Variants in PSMG2 observed in about 807,000 individuals in gnomAD.
The protein encoded by PSMG2 is proteasome assembly chaperone 2.
PSMG2 carries 21 observed loss-of-function variants against 31.5 expected under a neutral mutation model. That is an observed-to-expected ratio of 0.67 (90% CI 0.47 to 0.96). The LOEUF (loss-of-function observed/expected upper bound fraction) is 0.96. PSMG2 is among the 40% of genes least tolerant of loss of function. PSMG2 has a pLI of 0.00. For synonymous variants in PSMG2, 120 were observed against 110.4 expected (o/e 1.09, Z -0.54); for missense variants, 318 against 321.2 (o/e 0.99, Z 0.08).
chr18:12,679,303 G>T (rs1327128683), intron 1 of PSMG2: 1 of 150,768 alleles, frequency 6.6e-6, no homozygotes, highest in Non-Finnish European at 1.5e-5. Context: ...GCACACTGGG[G>T]AGAAGCCACA....
At chr18:12,703,246 G>C (rs2040218044) in intron 1 of PSMG2, 82 bp downstream of exon 1, 1 of 1,431,684 alleles carries the variant, frequency 7.0e-7, no homozygotes. Context: ...GTTTGGCGGT[G>C]CCTTGGGAGA....
chr18:12,703,209 T>A, intron 1 of PSMG2, 45 bp downstream of exon 1: 1 of 1,564,004 alleles, frequency 6.4e-7, no homozygotes, highest in Non-Finnish European at 8.7e-7. Flanking sequence ...CCGAGGCCCC[T>A]GCGGTGTCGC....
intron 1 of PSMG2, 140 bp from the exon 2 acceptor site, chr18:12,706,410 C>A (rs749695695): frequency 1.0e-5 from 8 of 791,190 alleles, no homozygotes; most frequent in Non-Finnish European, 1.6e-5. Context: ...TTGCTTCAAG[C>A]CAGGAGGCAG....
At chr18:12,708,269 C>T (rs1049745180) in intron 2 of PSMG2, among the ~76,000 whole-genome samples, 8 of 152,208 alleles carry the variant, frequency 5.3e-5, no homozygotes, top group South Asian at 2.1e-4. Flanking sequence ...AAGTGAGACC[C>T]TGTCTTAAAA....
intron 1 of PSMG2, among the ~76,000 whole-genome samples, chr18:12,688,303 A>G (rs1229594873): frequency 6.6e-6 from 1 of 151,896 alleles, no homozygotes; most frequent in African/African-American, 2.4e-5. Flanking sequence ...AGTTTCTTGC[A>G]CTAAAAAGTT....
At chr18:12,678,385 T>C (rs2039220747) in intron 1 of PSMG2, 2 of 1,614,036 alleles carry the variant, frequency 1.2e-6, no homozygotes, top group South Asian at 1.1e-5. Flanking sequence ...ATGGGTACAG[T>C]GGTTTGGGCT....
rs201579739 is a variant in PSMG2, at chr18:12,724,453, T to C, written c.582-46T>C. On this transcript the variant is annotated intron_variant, in intron 5 of 6. Transcript: ENST00000317615. Reference sequence around the variant, plus strand: ...AAAACAGACACACTAGAGTCAGCTCTTGTACCCTATGAAAGAATACTGATT... The same window carrying C: ...AAAACAGACACACTAGAGTCAGCTCCTGTACCCTATGAAAGAATACTGATT... The C allele has an allele frequency of 1.7e-4, 255 of 1,544,082 alleles. 2 individuals carry two copies. In the African/African-American group the frequency reaches 3.0e-3, roughly 18 times the overall value.
At chr18:12,703,425 G>C (rs566448339) in intron 1 of PSMG2, among the ~76,000 whole-genome samples, 9 of 152,206 alleles carry the variant, frequency 5.9e-5, no homozygotes, top group Non-Finnish European at 8.8e-5. Context: ...GTACGTTCTA[G>C]ATACACTGTA....
rs1184203847 is a variant in PSMG2 at position 12,680,567 on chromosome 18, A to G, written c.-37+21794A>G. ...AGCTGAGATTGTGCCAGTGCACTCC[A>G]GCCTGGGCGACAGAGCGAGACTCCA... is the stretch of plus-strand genomic sequence containing the variant. On this transcript the variant is annotated intron_variant, in intron 1 of 6. Transcript: ENST00000585331. 5.4e-6 allele frequency: 5 copies of G among 932,974 alleles called. No individual in the cohort carries two copies. The African/African-American group carries it at 8.9e-5, about 17-fold the overall frequency. 57.8% of individuals were successfully genotyped at this position (932,974 alleles called of 1,614,324 possible). A position where few individuals can be genotyped will look rare whatever the true frequency, so the allele number is the denominator to read the frequency against.
In PSMG2 at chr18:12,703,061, T is replaced by G. The variant is rs2040211915; in HGVS notation, c.-47T>G. On this transcript the variant is annotated 5_prime_UTR_variant, in exon 1 of 7. Transcript: ENST00000317615. ...GCTTCCGCCTTCTTGCTGCCCTCGT[T>G]CTTGCCAGGGCCGCGGTTAGTCCCT... is the stretch of plus-strand genomic sequence containing the variant. 6.3e-7 allele frequency: 1 copy of G among 1,595,838 alleles called. No homozygotes were observed. Among genetic ancestry groups the G allele is most frequent in the Non-Finnish European group, 8.5e-7 (1 of 1,170,806 alleles).
intron 1 of PSMG2, among the ~76,000 whole-genome samples, chr18:12,687,570 G>A (rs186482099): frequency 4.0e-5 from 6 of 150,676 alleles, no homozygotes; most frequent in South Asian, 2.1e-4. Flanking sequence ...CTTGTGCCTC[G>A]GCCTCCTGAG....
intron 3 of PSMG2, 98 bp from the exon 4 acceptor site, chr18:12,718,412 TATATATC>T (rs2040398428): frequency 3.7e-6 from 2 of 546,604 alleles, no homozygotes; most frequent in African/African-American, 3.8e-5. Flanking sequence ...ATATATAAAT[TATATATC>T]ATTATCACAT....
At chr18:12,688,679 C>T (rs941789859) in intron 1 of PSMG2, among the ~76,000 whole-genome samples, 3 of 152,190 alleles carry the variant, frequency 2.0e-5, no homozygotes, top group Non-Finnish European at 2.9e-5. Context: ...GAGAAAATCA[C>T]TAACCATTAT....
upstream of PSMG2, chr18:12,698,947 C>A: frequency 7.1e-7 from 1 of 1,404,132 alleles, no homozygotes; most frequent in South Asian, 1.2e-5. Flanking sequence ...AAGATTTACT[C>A]AATTAAATGA....
rs567147584 is a variant in PSMG2 at position 12,721,487 on chromosome 18, C to G, written c.581+804C>G. ...CTGCATCCATCAGCACTGTCTACTT[C>G]TAGAACTTTGTCGTCATACTAAATT... On this transcript the variant is annotated intron_variant, in intron 5 of 6. Transcript: ENST00000317615. Among the ~76,000 whole-genome samples the G allele has an allele frequency of 3.9e-5, 6 of 152,276 alleles. No individual in the cohort carries two copies. The East Asian group carries it at 9.6e-4, about 24-fold the overall frequency.
intron 2 of PSMG2, among the ~76,000 whole-genome samples, chr18:12,710,395 G>T (rs144500753): frequency 6.6e-6 from 1 of 152,118 alleles, no homozygotes. Flanking sequence ...CTTTTCAGGC[G>T]TGTTACAGCA....
In PSMG2 at chr18:12,720,619, G is replaced by A; in HGVS notation, c.517G>A (p.Asp173Asn). 1 of 1,613,956 alleles carries A rather than the reference G, an allele frequency of 6.2e-7. No individual in the cohort carries two copies. Among genetic ancestry groups the A allele is most frequent in the Non-Finnish European group, 8.5e-7 (1 of 1,179,956 alleles). Residue 173 changes from aspartate (D) to asparagine (N), a missense_variant, in exon 5 of 7, where the codon GAT becomes AAT. Transcript: ENST00000317615. Reference protein sequence around the residue: ...MEKSRCIPEIDDSEFCIRIPG... With the variant: ...MEKSRCIPEINDSEFCIRIPG... The stretch of plus-strand genomic sequence containing the variant: ...AAAAAGCCGGTGCATTCCTGAAATA[G>A]ATGATTCCGAGTTTTGTATCCGCAT...
chr18:12,702,584 C>A, upstream of PSMG2: 1 of 1,588,206 alleles, frequency 6.3e-7, no homozygotes, highest in Non-Finnish European at 8.5e-7. Context: ...CTTCTCCCCG[C>A]CTCAGATGCC....
chr18:12,677,612 A>G (rs997610055), intron 1 of PSMG2, among the ~76,000 whole-genome samples: 2 of 152,116 alleles, frequency 1.3e-5, no homozygotes, highest in Non-Finnish European at 1.5e-5. Context: ...AGTATAACCC[A>G]GTATACATAT....
Sources: gnomAD v4.1 joint callset for allele counts (sites outside exome capture counted in the v4.1 genomes callset) on GRCh38, gnomAD v4.1.1 for gene constraint, MANE v1.5 for transcripts, NCBI Gene and HGNC (gene_info 2026-07-23, HGNC 2026-07-21) for gene names.